Variants in ZNF30 observed in about 807,000 individuals in gnomAD.
ZNF30 encodes zinc finger protein 30 (KOX 28).
Under a neutral mutation model 13.2 loss-of-function variants are expected in ZNF30, and 15 were observed. The observed-to-expected ratio is 1.13, with a 90% confidence interval of 0.76 to 1.75. The LOEUF (loss-of-function observed/expected upper bound fraction) is 1.75, where lower values mean the gene tolerates loss of function less well. ZNF30 is among the 40% of genes most tolerant of loss of function. The pLI is 0.00. For missense variants in ZNF30, 726 were observed against 757.0 expected (o/e 0.96, Z 0.48); for synonymous variants, 223 against 256.6 (o/e 0.87, Z 1.25).
intron 1 of ZNF30, 147 bp from the exon 2 acceptor site, chr19:34,929,737 C>T: frequency 1.9e-6 from 1 of 524,244 alleles, no homozygotes; most frequent in Non-Finnish European, 3.3e-6. Flanking sequence ...GCTTAGTTAA[C>T]TGGGGCTTGA....
Position 34,944,228 on chromosome 19 carries a change from T to G in ZNF30, c.1262T>G (p.Ile421Ser). The change falls in exon 5 of 5, where the codon ATC becomes AGC. Residue 421 changes from isoleucine to serine, a missense_variant. Ile to Ser is a moderately radical substitution (Grantham distance 142, BLOSUM62 -2). Transcript: ENST00000601142. ...TGSYLVQHQR[I>S]HTGEKPYECK... The stretch of plus-strand genomic sequence containing the variant: ...TCATACCTTGTTCAGCATCAGAGGA[T>G]CCATACTGGGGAGAAACCCTATGAA... 1 of 1,613,666 alleles carries G rather than the reference T, an allele frequency of 6.2e-7. No homozygotes were observed. The highest frequency in any genetic ancestry group is 2.2e-5 in the East Asian group (1 of 44,846).
intron 1 of ZNF30, among the ~76,000 whole-genome samples, chr19:34,928,135 G>A (rs1294517302): frequency 6.6e-6 from 1 of 150,568 alleles, no homozygotes; most frequent in Non-Finnish European, 1.5e-5. Context: ...AAGCTGGGAG[G>A]CGGCGGAGGT....
At chr19:34,933,429 C>T (rs1201494779) in intron 3 of ZNF30, among the ~76,000 whole-genome samples, 199 bp from the exon 4 acceptor site, 1 of 152,146 alleles carries the variant, frequency 6.6e-6, no homozygotes, top group African/African-American at 2.4e-5. Context: ...TGCAGCCTGG[C>T]GACAGAGTGA....
rs748308466 is a variant in ZNF30 at position 34,944,037 on chromosome 19, C to A, written c.1071C>A (p.Ser357=). The A allele has an allele frequency of 6.2e-7, 1 of 1,613,604 alleles. No individual in the cohort carries two copies. The highest frequency in any genetic ancestry group is 1.7e-5 in the Admixed American group (1 of 59,970). The change falls in exon 5 of 5, where the codon TCC becomes TCA. Residue 357 remains serine (S), a synonymous_variant. Transcript: ENST00000601142. ...GTGGAAAGGCCTTTAGACTTAGTTC[C>A]TTCCTTCATGCACATCAGCGAATTC... ...KECGKAFRLS[S]FLHAHQRIHA...
intron 4 of ZNF30, among the ~76,000 whole-genome samples, chr19:34,937,304 C>T (rs955239937): frequency 3.3e-5 from 5 of 152,174 alleles, no homozygotes; most frequent in Non-Finnish European, 1.5e-5. Context: ...TGAGCTACTG[C>T]ACCCGGCCAG....
chr19:34,931,427 A>C (rs1374947831), intron 2 of ZNF30, among the ~76,000 whole-genome samples: 1 of 152,232 alleles, frequency 6.6e-6, no homozygotes, highest in African/African-American at 2.4e-5. Flanking sequence ...GTTATTCAAC[A>C]AATTTGTGTC....
chr19:34,942,735 G>A (rs2013110438), intron 4 of ZNF30: 1 of 752,696 alleles, frequency 1.3e-6, no homozygotes, highest in Non-Finnish European at 2.0e-6. Flanking sequence ...GTATGGGACA[G>A]AGGGAGTTGT....
At chr19:34,930,151 T>C (rs2012371702) in intron 2 of ZNF30, among the ~76,000 whole-genome samples, 195 bp downstream of exon 2, 1 of 152,198 alleles carries the variant, frequency 6.6e-6, no homozygotes, top group Non-Finnish European at 1.5e-5. Context: ...ATGAATTCAT[T>C]GAGCAAGTTA....
chr19:34,933,155 A>G (rs890626121), intron 3 of ZNF30, among the ~76,000 whole-genome samples: 1 of 152,012 alleles, frequency 6.6e-6, no homozygotes, highest in African/African-American at 2.4e-5. Context: ...GATAGATTTC[A>G]TTTAAAATAA....
At chr19:34,939,484 C>A (rs575579687) in intron 4 of ZNF30, among the ~76,000 whole-genome samples, 18 of 150,788 alleles carry the variant, frequency 1.2e-4, no homozygotes, top group African/African-American at 4.1e-4. Context: ...GGCCTAACTT[C>A]TGTATCTTTA....
At chr19:34,935,271 C>T (rs1043042183) in intron 4 of ZNF30, among the ~76,000 whole-genome samples, 7 of 151,978 alleles carry the variant, frequency 4.6e-5, no homozygotes, top group African/African-American at 1.7e-4. Flanking sequence ...TATAAAATAA[C>T]GTCAGGCTTA....
rs189541880 is a variant in ZNF30, at chr19:34,944,866, G to A, written c.*28G>A. On this transcript the variant is annotated 3_prime_UTR_variant, in exon 5 of 5. Transcript: ENST00000601142. Reference sequence around the variant, plus strand: ...GTCTGAGGAGTGTGGGAAGTGCTTCGTGTGTGGCTCAAACATTGTTGAACA... The same window carrying A: ...GTCTGAGGAGTGTGGGAAGTGCTTCATGTGTGGCTCAAACATTGTTGAACA... 6,312 of 1,526,184 alleles carry A rather than the reference G, an allele frequency of 4.1e-3. 15 individuals are homozygous for A. The highest frequency in any genetic ancestry group is 5.3e-3 in the Non-Finnish European group (5,990 of 1,135,860). The allele number at this position is 1,526,184 out of a possible 1,614,324, so 94.5% of individuals were successfully genotyped here. A position where few individuals can be genotyped will look rare whatever the true frequency, so the allele number is the denominator to read the frequency against.
At position 34,944,737 on chromosome 19, in the gene ZNF30, A is replaced by G. The variant is rs2013252591; in HGVS notation, c.1771A>G (p.Thr591Ala). ...CCTTACTGAACATCAGCGGGTACAC[A>G]CTGGTGAGAAACCCTTTAAATGCAA... ...SFLTEHQRVH[T>A]GEKPFKCKKC... The change falls in exon 5 of 5, where the codon ACT becomes GCT. Residue 591 changes from threonine (T) to alanine (A), a missense_variant. Physicochemically the swap from Thr to Ala is moderately conservative, Grantham distance 58 (BLOSUM62 0). Transcript: ENST00000601142. The G allele has an allele frequency of 8.7e-6, 14 of 1,614,072 alleles. No individual in the cohort carries two copies. Among genetic ancestry groups the G allele is most frequent in the Non-Finnish European group, 1.2e-5 (14 of 1,179,946 alleles).
intron 1 of ZNF30, among the ~76,000 whole-genome samples, chr19:34,928,220 A>ATATATATATATATATAT (rs1555778255): frequency 1.4e-5 from 1 of 73,418 alleles, no homozygotes; most frequent in African/African-American, 6.2e-5. Flanking sequence ...AAAAAAAAAA[A>ATATATATATATATATAT]ATATATATAT....
chr19:34,940,286 C>T (rs1175481535), intron 4 of ZNF30, among the ~76,000 whole-genome samples: 6 of 152,102 alleles, frequency 3.9e-5, no homozygotes, highest in Non-Finnish European at 7.3e-5. Context: ...GAAGATAGGC[C>T]GTTATCTTCT....
Position 34,927,142 on chromosome 19 carries a change from T to A in ZNF30, c.-139T>A, listed in dbSNP as rs1385421899. The A allele has an allele frequency of 5.1e-6, 2 of 393,892 alleles. No individual in the cohort carries two copies. Among genetic ancestry groups the A allele is most frequent in the African/African-American group, 4.1e-5 (2 of 48,464 alleles). 24.4% of individuals were successfully genotyped at this position (393,892 alleles called of 1,614,324 possible). On this transcript the variant is annotated 5_prime_UTR_variant, in exon 1 of 5. Transcript: ENST00000601142. ...GTTGGAGCAGCCCCGCCGGGCAACT[T>A]GAATTTCTGCAAACGAACACAGCAC...
At chr19:34,942,479 C>A in intron 4 of ZNF30, 19 of 353,310 alleles carry the variant, frequency 5.4e-5, no homozygotes, top group Admixed American at 2.0e-4. Context: ...AAAAAGAAAA[C>A]CAGTAGGAAA....
At chr19:34,929,224 C>T (rs1457269857) in intron 1 of ZNF30, among the ~76,000 whole-genome samples, 2 of 151,868 alleles carry the variant, frequency 1.3e-5, no homozygotes, top group Non-Finnish European at 2.9e-5. Context: ...CGTAGGTTGC[C>T]GTGAGCCAAG....
At chr19:34,928,128 CTGGGAGGCGG>C (rs1353091331) in intron 1 of ZNF30, among the ~76,000 whole-genome samples, 1 of 150,082 alleles carries the variant, frequency 6.7e-6, no homozygotes, top group African/African-American at 2.4e-5. Flanking sequence ...GTGCTTGAAG[CTGGGAGGCGG>C]CGGAGGTTGC....
Sources: allele counts gnomAD v4.1 joint callset (sites outside exome capture counted in the v4.1 genomes callset), GRCh38; gene constraint gnomAD v4.1.1; transcripts MANE v1.5; gene names NCBI Gene and HGNC (gene_info 2026-07-23, HGNC 2026-07-21).